Variants in BCAS3 observed in about 807,000 individuals in gnomAD.
BCAS3 encodes BCAS4/BCAS3 fusion.
In BCAS3, 53 loss-of-function variants were observed where a neutral mutation model predicts 116.1. The observed-to-expected ratio is 0.46, with a 90% CI of 0.37 to 0.57. The LOEUF is 0.57. Among genes scored for constraint, BCAS3 ranks in the 20% least tolerant of loss-of-function variants. The pLI, the probability that BCAS3 is intolerant of heterozygous loss-of-function variation, is 0.00. For missense variants in BCAS3, 917 were observed against 1,165.4 expected (o/e 0.79, Z 3.10); for synonymous variants, 391 against 408.2 (o/e 0.96, Z 0.51).
intron 6 of BCAS3, among the ~76,000 whole-genome samples, chr17:60,801,937 T>C (rs2047823992): frequency 6.6e-6 from 1 of 152,146 alleles, no homozygotes; most frequent in Non-Finnish European, 1.5e-5. Flanking sequence ...TTCAATTTCT[T>C]GTGTGTAAAA....
rs141481694 is a variant in BCAS3 at position 61,056,442 on chromosome 17, G to T, written c.2029+15550G>T. Among the ~76,000 whole-genome samples the T allele has an allele frequency of 9.3e-3, 1,409 of 152,040 alleles. 11 individuals carry two copies. Among genetic ancestry groups the T allele is most frequent in the Non-Finnish European group, 0.013 (904 of 67,966 alleles). ...TATTTTGCAAGTCATATGAAGAAAC[G>T]TTAAGAGGCAAATTAAAATTTTAAC... On this transcript the variant is annotated intron_variant, in intron 19 of 23. Coordinates refer to ENST00000407086, the MANE Select transcript of BCAS3 (RefSeq NM_017679.5). This position sits in a 1 kb window ranked among gnomAD's most constrained non-coding sequence, Gnocchi z 4.9.
chr17:60,817,605 G>A (rs1364541756), intron 7 of BCAS3, among the ~76,000 whole-genome samples: 1 of 152,152 alleles, frequency 6.6e-6, no homozygotes, highest in Non-Finnish European at 1.5e-5. Context: ...GAGGTTAAAT[G>A]TTTGTCCAGA....
At chr17:61,069,834 TAAAAAAAAA>T in intron 19 of BCAS3, 2 of 606,106 alleles carry the variant, frequency 3.3e-6, no homozygotes, top group Non-Finnish European at 5.6e-6. Flanking sequence ...AGACCCTGTG[TAAAAAAAAA>T]AAAAAAAAAA....
intron 5 of BCAS3, among the ~76,000 whole-genome samples, chr17:60,731,477 T>G: frequency 6.6e-6 from 1 of 152,132 alleles, no homozygotes; most frequent in Non-Finnish European, 1.5e-5. Flanking sequence ...CCTCCCAAAG[T>G]GCTGGGATTA....
intron 22 of BCAS3, among the ~76,000 whole-genome samples, chr17:61,185,250 A>G (rs1005170709): frequency 2.6e-4 from 39 of 152,274 alleles, no homozygotes; most frequent in African/African-American, 9.4e-4. Flanking sequence ...GAGAGATTTT[A>G]AGAACTCACT....
intron 22 of BCAS3, among the ~76,000 whole-genome samples, chr17:61,269,426 A>G (rs1568713388): frequency 6.6e-6 from 1 of 151,770 alleles, no homozygotes; most frequent in Non-Finnish European, 1.5e-5. Flanking sequence ...TTATATTTTC[A>G]ATTCTTTTGA....
chr17:60,741,287 TGG>T (rs2041525729), intron 5 of BCAS3, among the ~76,000 whole-genome samples: 1 of 152,224 alleles, frequency 6.6e-6, no homozygotes. Flanking sequence ...CTGCATGTGT[TGG>T]CCTGGAAACT....
chr17:60,891,354 T>C (rs1394936604), intron 10 of BCAS3, among the ~76,000 whole-genome samples: 1 of 152,238 alleles, frequency 6.6e-6, no homozygotes, highest in Non-Finnish European at 1.5e-5. Flanking sequence ...ATAGCCTGAA[T>C]ATGCACCAGT....
At chr17:60,744,628 G>T (rs183315428) in intron 5 of BCAS3, among the ~76,000 whole-genome samples, 6 of 152,204 alleles carry the variant, frequency 3.9e-5, no homozygotes, top group Non-Finnish European at 5.9e-5. Flanking sequence ...AATTTCAGTA[G>T]GTTGTACAAT....
intron 22 of BCAS3, among the ~76,000 whole-genome samples, chr17:61,293,533 C>T (rs1357161785): frequency 6.6e-6 from 1 of 152,116 alleles, no homozygotes; most frequent in South Asian, 2.1e-4. Context: ...AGAGAAGTCC[C>T]GTAGAGGATA....
chr17:61,139,697 T>C lies in BCAS3; in HGVS notation c.2425+55133T>C, dbSNP rs917646420. On this transcript the variant is annotated intron_variant, in intron 22 of 23. Transcript: ENST00000407086. This position sits in a 1 kb window ranked among gnomAD's most constrained non-coding sequence, Gnocchi z 4.7. ...ATCATGCTACATGATGTAGGGAATA[T>C]AAAAAATGAAGAAGGCATGCTCCCT... 2.0e-5 allele frequency among the ~76,000 whole-genome samples: 3 copies of C among 152,102 alleles called. No homozygotes were observed. Among genetic ancestry groups the C allele is most frequent in the Non-Finnish European group, 4.4e-5 (3 of 68,010 alleles).
At position 61,229,899 on chromosome 17, in the gene BCAS3, C is replaced by T. The variant is rs914099694; in HGVS notation, c.2426-138428C>T. ...CAGCACTTTGGGAGGCCAAGGCGGG[C>T]GGTTCACCTGAGGTCAGGAGTTCAA... On this transcript the variant is annotated intron_variant, in intron 22 of 23. Transcript: ENST00000407086. The surrounding 1 kb of genome is among the most constrained non-coding windows in gnomAD (Gnocchi z 4.4). Among the ~76,000 whole-genome samples the T allele has an allele frequency of 2.6e-5, 4 of 152,140 alleles. No homozygotes were observed. The highest frequency in any genetic ancestry group is 5.9e-5 in the Non-Finnish European group (4 of 68,026).
rs763016913 is a variant in BCAS3 at position 61,021,356 on chromosome 17, G to A, written c.1637+5455G>A. ...ATTATAGGCATGAGCAACCGCACCC[G>A]GCCATGTTTATTCATTTCTTTGTGA... On this transcript the variant is annotated intron_variant, in intron 16 of 23. Transcript: ENST00000407086. This position sits in a 1 kb window ranked among gnomAD's most constrained non-coding sequence, Gnocchi z 4.6. Among the ~76,000 whole-genome samples the A allele has an allele frequency of 3.3e-5, 5 of 151,998 alleles. No individual in the cohort carries two copies. The highest frequency in any genetic ancestry group is 5.9e-5 in the Non-Finnish European group (4 of 67,996).
chr17:60,919,390 A>G (rs1408636424), intron 12 of BCAS3, among the ~76,000 whole-genome samples: 2 of 151,942 alleles, frequency 1.3e-5, no homozygotes, highest in African/African-American at 4.8e-5. Flanking sequence ...CAGTGGTGCG[A>G]TCTCAGTTCA....
chr17:60,882,577 C>T (rs1489274916), intron 9 of BCAS3, among the ~76,000 whole-genome samples: 1 of 152,076 alleles, frequency 6.6e-6, no homozygotes, highest in South Asian at 2.1e-4. Flanking sequence ...GGTTTTAGGT[C>T]TAATGTTTAA....
chr17:61,230,940 G>A (rs1214901587), intron 22 of BCAS3, among the ~76,000 whole-genome samples: 1 of 148,472 alleles, frequency 6.7e-6, no homozygotes, highest in Non-Finnish European at 1.5e-5. Context: ...CTGCAGCCTC[G>A]CCAGCAGCTA....
At chr17:60,929,347 T>A (rs913025707) in intron 13 of BCAS3, among the ~76,000 whole-genome samples, 2 of 152,126 alleles carry the variant, frequency 1.3e-5, no homozygotes, top group Non-Finnish European at 2.9e-5. Flanking sequence ...AAGACTTGCT[T>A]GAACCAAGAA....
intron 21 of BCAS3, among the ~76,000 whole-genome samples, chr17:61,080,517 G>T (rs1167815131): frequency 6.6e-6 from 1 of 151,970 alleles, no homozygotes; most frequent in Non-Finnish European, 1.5e-5. Flanking sequence ...GGCTGAGGAG[G>T]GTGGATCATG....
intron 4 of BCAS3, among the ~76,000 whole-genome samples, chr17:60,692,050 C>T (rs1282601365): frequency 2.1e-5 from 3 of 143,332 alleles, no homozygotes; most frequent in African/African-American, 8.0e-5. Flanking sequence ...GAAACTCTGT[C>T]TCAAAAAAAA....
Sources: allele counts gnomAD v4.1 joint callset (sites outside exome capture counted in the v4.1 genomes callset), GRCh38; gene constraint gnomAD v4.1.1; non-coding constraint Gnocchi (gnomAD v3.1); transcripts MANE v1.5; gene names NCBI Gene and HGNC (gene_info 2026-07-23, HGNC 2026-07-21).